Variants in PIK3CD observed in about 807,000 individuals in gnomAD.
PIK3CD encodes the protein phosphatidylinositol 4,5-bisphosphate 3-kinase catalytic subunit delta isoform.
Under a neutral mutation model 122.9 loss-of-function variants are expected in PIK3CD, and 20 were observed. The ratio of observed to expected loss-of-function variants is 0.16; its 90% confidence interval spans 0.11 to 0.24. The LOEUF (loss-of-function observed/expected upper bound fraction) is 0.24, where lower values mean the gene tolerates loss of function less well. PIK3CD is among the 10% of genes least tolerant of loss of function. PIK3CD has a pLI of 1.00. For missense variants in PIK3CD, 787 were observed against 1,406.3 expected (o/e 0.56, Z 7.04); for synonymous variants, 596 against 593.4 (o/e 1.00, Z -0.06).
rs772880125 is a variant in PIK3CD at position 9,722,786 on chromosome 1, A to G, written c.2426+180A>G. ...AGGCGGCGGGCAGCAGGATGCGTGA[A>G]GGCTGCTCCTGAGGCTTAGTGTGTA... On this transcript the variant is annotated intron_variant, in intron 19 of 23. Coordinates refer to ENST00000377346, the MANE Select transcript of PIK3CD (RefSeq NM_005026.5). This position sits in a 1 kb window ranked among gnomAD's most constrained non-coding sequence, Gnocchi z 7.6. Among the ~76,000 whole-genome samples the G allele has an allele frequency of 6.6e-6, 1 of 152,130 alleles. No individual in the cohort carries two copies. The highest frequency in any genetic ancestry group is 1.5e-5 in the Non-Finnish European group (1 of 67,994).
chr1:9,687,378 C>T (rs1646004109), intron 1 of PIK3CD: 1 of 152,544 alleles, frequency 6.6e-6, no homozygotes, highest in Non-Finnish European at 1.5e-5. Context: ...CAGCCTCTGT[C>T]TGCCCGTCCA....
At chr1:9,666,062 G>T (rs1281476062) in intron 1 of PIK3CD, among the ~76,000 whole-genome samples, 2 of 151,894 alleles carry the variant, frequency 1.3e-5, no homozygotes, top group Admixed American at 6.6e-5. Flanking sequence ...GAGTAGCTGG[G>T]ATTACAGGCG....
rs1487802717 is a variant in PIK3CD, at chr1:9,689,123, G to C, written c.-137-2344G>C. Reference sequence around the variant, plus strand: ...GGTCCAGTACCCCGCCCTTTCTGCGGATGCCTTGCAAAGCGGGGAGCGGAA... The same window carrying C: ...GGTCCAGTACCCCGCCCTTTCTGCGCATGCCTTGCAAAGCGGGGAGCGGAA... On this transcript the variant is annotated intron_variant, in intron 1 of 23. Transcript: ENST00000377346. This position sits in a 1 kb window ranked among gnomAD's most constrained non-coding sequence, Gnocchi z 6.1. 6.6e-6 allele frequency among the ~76,000 whole-genome samples: 1 copy of C among 152,232 alleles called. No individual in the cohort carries two copies. The highest frequency in any genetic ancestry group is 1.5e-5 in the Non-Finnish European group (1 of 68,042).
intron 1 of PIK3CD, among the ~76,000 whole-genome samples, chr1:9,658,385 CAA>C (rs58808659): frequency 2.6e-4 from 21 of 81,544 alleles, no homozygotes; most frequent in Admixed American, 2.6e-4. Flanking sequence ...GACCCTGTCT[CAA>C]AAAAAAAAAA....
At chr1:9,650,259 TA>T (rs1409353060), upstream of PIK3CD, among the ~76,000 whole-genome samples, 16 of 152,030 alleles carry the variant, frequency 1.1e-4, no homozygotes, top group African/African-American at 3.4e-4. Flanking sequence ...CCACCTCTAC[TA>T]AAAATACAAA....
At position 9,722,622 on chromosome 1, in the gene PIK3CD, C is replaced by T. The variant is rs371461473; in HGVS notation, c.2426+16C>T. ...TGGACCTGAGGTGAGGACCCCCACC[C>T]CACATCGTCCCTTGGTGTCTGTGCC... is the stretch of plus-strand genomic sequence containing the variant. On this transcript the variant is annotated intron_variant, in intron 19 of 23. Transcript: ENST00000377346. The surrounding 1 kb of genome is among the most constrained non-coding windows in gnomAD (Gnocchi z 7.6). 1 of 1,603,158 alleles carries T rather than the reference C, an allele frequency of 6.2e-7. No homozygotes were observed. The highest frequency in any genetic ancestry group is 1.1e-5 in the South Asian group (1 of 90,860).
Position 9,652,417 on chromosome 1 carries a change from C to CGGGA in PIK3CD, c.-138+615_-138+616insGGGA, listed in dbSNP as rs1644703768. Among the ~76,000 whole-genome samples the CGGGA allele has an allele frequency of 6.6e-6, 1 of 152,172 alleles. No individual in the cohort carries two copies. The highest frequency in any genetic ancestry group is 2.1e-4 in the South Asian group (1 of 4,838). ...CCGGGGTGGAAGTTTTCGGGGCTTC[C>CGGGA]TCCCGGCTCGTGGACCCGCGCCCCG... On this transcript the variant is annotated intron_variant, in intron 1 of 23. Coordinates refer to ENST00000377346, the MANE Select transcript of PIK3CD (RefSeq NM_005026.5). This position sits in a 1 kb window ranked among gnomAD's most constrained non-coding sequence, Gnocchi z 6.2.
chr1:9,715,838 C>T lies in PIK3CD; in HGVS notation c.371-11C>T. 6.2e-7 allele frequency: 1 copy of T among 1,611,350 alleles called. No individual in the cohort carries two copies. Among genetic ancestry groups the T allele is most frequent in the Non-Finnish European group, 8.5e-7 (1 of 1,178,928 alleles). On this transcript the variant is annotated splice_polypyrimidine_tract_variant and intron_variant, in intron 4 of 23. Coordinates refer to ENST00000377346, the MANE Select transcript of PIK3CD (RefSeq NM_005026.5). The surrounding 1 kb of genome is among the most constrained non-coding windows in gnomAD (Gnocchi z 4.1). ...GCCCCACCCGCTGACCCAGCCCTCC[C>T]CACCCCGCAGGCCTCCACGAGTTTG...
At chr1:9,655,860 C>G (rs1415809480) in intron 1 of PIK3CD, among the ~76,000 whole-genome samples, 1 of 151,928 alleles carries the variant, frequency 6.6e-6, no homozygotes, top group Middle Eastern at 3.2e-3. Flanking sequence ...CTATGGCCAG[C>G]TATTTTTAGT....
intron 2 of PIK3CD, among the ~76,000 whole-genome samples, chr1:9,702,967 G>A (rs1646703531): frequency 6.6e-6 from 1 of 152,186 alleles, no homozygotes; most frequent in Non-Finnish European, 1.5e-5. Context: ...TGAGACTGAA[G>A]AGTCCAGGGA....
chr1:9,669,709 G>T (rs941795914), intron 1 of PIK3CD, among the ~76,000 whole-genome samples: 3 of 152,214 alleles, frequency 2.0e-5, no homozygotes, highest in Middle Eastern at 3.4e-3. Context: ...CACGCAAACA[G>T]GGTGTGCTTG....
chr1:9,722,253 G>T lies in PIK3CD; in HGVS notation c.2244G>T (p.Gln748His). 6.2e-7 allele frequency: 1 copy of T among 1,613,382 alleles called. No homozygotes were observed. The highest frequency in any genetic ancestry group is 1.3e-5 in the African/African-American group (1 of 75,034). The change falls in exon 18 of 24, where the codon CAG (glutamine) becomes CAT (histidine). Residue 748 changes from glutamine to histidine, a missense_variant. Physicochemically the swap from Gln to His is conservative, Grantham distance 24. Around this residue, in one of 6 missense-constraint regions of PIK3CD, gnomAD observed 48 missense variants for 71.9 expected, o/e 0.67. Transcript: ENST00000377346. This position sits in a 1 kb window ranked among gnomAD's most constrained non-coding sequence, Gnocchi z 7.6. ...STLLAEVCVE[Q>H]CTFMDSKMKP... ...CTCTCTGGCCTGGCAGCGTGGAGCA[G>T]TGCACCTTCATGGACTCCAAGATGA...
intron 3 of PIK3CD, among the ~76,000 whole-genome samples, chr1:9,711,757 T>C (rs976642034): frequency 1.5e-4 from 22 of 151,408 alleles, no homozygotes; most frequent in Non-Finnish European, 2.2e-4. Flanking sequence ...CGTGTCTGTA[T>C]TTTTTGTGGA....
At chr1:9,633,745 A>G in the PIK3CD span, among the ~76,000 whole-genome samples, 2 of 152,244 alleles carry the variant, frequency 1.3e-5, no homozygotes, top group Non-Finnish European at 2.9e-5. Context: ...AGAGGAAATC[A>G]TCGTCTGGCT....
chr1:9,716,212 T>C (rs912523625), intron 5 of PIK3CD, 134 bp downstream of exon 5: 6 of 891,008 alleles, frequency 6.7e-6, no homozygotes, highest in Non-Finnish European at 9.0e-6. Flanking sequence ...TGTCTGTGCA[T>C]GTGTGGGGCT....
rs755164389 is a variant in PIK3CD at position 9,653,890 on chromosome 1, G to A, written c.-138+2088G>A. ...TCACAGAATGATGGAAGACACTGGA[G>A]TGGGCTGGAGGAGTGCTCTTAAAAC... On this transcript the variant is annotated intron_variant, in intron 1 of 23. Transcript: ENST00000377346. The A allele has an allele frequency of 2.9e-6, 4 of 1,367,450 alleles. No homozygotes were observed. The Admixed American group carries it at 7.6e-5, about 26-fold the overall frequency. 84.7% of individuals were successfully genotyped at this position (1,367,450 alleles called of 1,614,324 possible). A position where few individuals can be genotyped will look rare whatever the true frequency, so the allele number is the denominator to read the frequency against.
At chr1:9,693,327 C>T (rs751347703) in intron 2 of PIK3CD, among the ~76,000 whole-genome samples, 1 of 152,062 alleles carries the variant, frequency 6.6e-6, no homozygotes, top group Non-Finnish European at 1.5e-5. Context: ...CGGGTTCAAG[C>T]GATTCTTCTG....
At chr1:9,687,965 G>A (rs1646036064) in intron 1 of PIK3CD, among the ~76,000 whole-genome samples, 1 of 152,146 alleles carries the variant, frequency 6.6e-6, no homozygotes, top group Non-Finnish European at 1.5e-5. Flanking sequence ...GCCGGGTGCT[G>A]GGAGGACGCA....
intron 1 of PIK3CD, among the ~76,000 whole-genome samples, chr1:9,674,066 C>T (rs879847569): frequency 6.6e-6 from 1 of 152,126 alleles, no homozygotes; most frequent in Non-Finnish European, 1.5e-5. Context: ...GCGCCATTCA[C>T]CCCTGATTCT....
Sources: gnomAD v4.1 joint callset for allele counts (sites outside exome capture counted in the v4.1 genomes callset) on GRCh38, gnomAD v4.1.1 for gene constraint, gnomAD v4.1.1 regional missense constraint, Gnocchi (gnomAD v3.1) non-coding constraint, MANE v1.5 for transcripts, NCBI Gene and HGNC (gene_info 2026-07-23, HGNC 2026-07-21) for gene names.